The following PPP5C variants were observed in gnomAD, a reference collection of about 807,000 sequenced individuals.
PPP5C encodes the protein serine/threonine-protein phosphatase 5.
In PPP5C, 21 loss-of-function variants were observed where a neutral mutation model predicts 66.7. The observed-to-expected ratio is 0.31, with a 90% CI of 0.22 to 0.45. PPP5C has a LOEUF of 0.45. Ranked by LOEUF, PPP5C falls within the 20% of genes least tolerant of loss-of-function variation. The probability of loss-of-function intolerance (pLI) is 1.00; values close to 1 mark genes in which losing one functional copy is unlikely to be tolerated. For missense variants in PPP5C, 464 were observed against 675.9 expected (o/e 0.69, Z 3.48); for synonymous variants, 246 against 257.4 (o/e 0.96, Z 0.43).
At position 46,347,301 on chromosome 19, in the gene PPP5C, G is replaced by A. The variant is rs895341278; in HGVS notation, c.121+84G>A. The A allele has an allele frequency of 5.8e-5, 85 of 1,476,030 alleles. No individual in the cohort carries two copies. The African/African-American group carries it at 1.1e-3, about 20-fold the overall frequency. The allele number at this position is 1,476,030 out of a possible 1,614,324, so 91.4% of individuals were successfully genotyped here. The stretch of plus-strand genomic sequence containing the variant: ...CGCGGAACCATAGCAACGCGGAGCT[G>A]CAGCCTGGGCGCGGGGCAGACACTA... On this transcript the variant is annotated intron_variant, in intron 1 of 12. Coordinates refer to ENST00000012443, the MANE Select transcript of PPP5C (RefSeq NM_006247.4).
chr19:46,361,961 T>C (rs968129161), intron 2 of PPP5C, among the ~76,000 whole-genome samples: 3 of 152,220 alleles, frequency 2.0e-5, no homozygotes, highest in African/African-American at 7.2e-5. Flanking sequence ...TTCCATTCTT[T>C]TTTCTCCCTA....
In PPP5C at chr19:46,388,634, C is replaced by T; in HGVS notation, c.1258C>T (p.Leu420=). Reference sequence around the variant, plus strand: ...CAAGGCCTTCTTGGAAGAGAACAACCTGGACTATATCATCCGCAGCCACGA... The same window carrying T: ...CAAGGCCTTCTTGGAAGAGAACAACTTGGACTATATCATCCGCAGCCACGA... ...VTKAFLEENN[L]DYIIRSHEVK... Residue 420 remains leucine (L), a synonymous_variant, in exon 11 of 13, where the codon CTG becomes TTG. Coordinates refer to ENST00000012443, the MANE Select transcript of PPP5C (RefSeq NM_006247.4). This position sits in a 1 kb window ranked among gnomAD's most constrained non-coding sequence, Gnocchi z 4.9. 6.2e-7 allele frequency: 1 copy of T among 1,614,176 alleles called. No homozygotes were observed. The highest frequency in any genetic ancestry group is 1.3e-5 in the African/African-American group (1 of 75,044).
chr19:46,350,789 A>C (rs1001775167), intron 1 of PPP5C, among the ~76,000 whole-genome samples: 12 of 152,056 alleles, frequency 7.9e-5, no homozygotes, highest in Non-Finnish European at 1.6e-4. Flanking sequence ...GTGTGTGAGC[A>C]GCAGGGCCCG....
intron 2 of PPP5C, among the ~76,000 whole-genome samples, chr19:46,369,606 T>G (rs374124061): frequency 5.2e-5 from 7 of 133,454 alleles, no homozygotes; most frequent in African/African-American, 2.0e-4. Context: ...CACCCCAGCC[T>G]GGGTGACAGG....
intron 2 of PPP5C, among the ~76,000 whole-genome samples, chr19:46,363,986 C>A (rs1354821506): frequency 6.6e-6 from 1 of 151,968 alleles, no homozygotes; most frequent in African/African-American, 2.4e-5. Context: ...CATGTGATAC[C>A]AAAGGTGGCA....
intron 2 of PPP5C, among the ~76,000 whole-genome samples, chr19:46,360,348 A>G (rs927610982): frequency 1.3e-5 from 2 of 152,174 alleles, no homozygotes; most frequent in Non-Finnish European, 1.5e-5. Context: ...CTACGTGACA[A>G]TACTTCCCAT....
chr19:46,352,962 G>A (rs1478422493), intron 1 of PPP5C, among the ~76,000 whole-genome samples: 1 of 152,170 alleles, frequency 6.6e-6, no homozygotes. Context: ...CAGTGAAGGG[G>A]GACCTGTGTA....
In PPP5C at chr19:46,390,274, G is replaced by C; in HGVS notation, c.1438-10G>C. On this transcript the variant is annotated splice_polypyrimidine_tract_variant and intron_variant, in intron 12 of 12. Transcript: ENST00000012443. ...GACTTCTGTCCATCCCACCTGCCCTGGTCCCACAGCCTCATCCCAACGTCA... is the reference window on the plus strand; with the variant it reads ...GACTTCTGTCCATCCCACCTGCCCTCGTCCCACAGCCTCATCCCAACGTCA... The C allele has an allele frequency of 6.9e-6, 11 of 1,592,916 alleles. No individual in the cohort carries two copies. The highest frequency in any genetic ancestry group is 9.4e-6 in the Non-Finnish European group (11 of 1,169,620).
chr19:46,374,174 G>A (rs777401186), intron 2 of PPP5C, among the ~76,000 whole-genome samples: 40 of 152,182 alleles, frequency 2.6e-4, no homozygotes, highest in Admixed American at 2.6e-3. Flanking sequence ...GGAGGAGGCC[G>A]TGGCCTGCTG....
At chr19:46,385,553 G>A (rs1389689462) in intron 7 of PPP5C, among the ~76,000 whole-genome samples, 1 of 152,210 alleles carries the variant, frequency 6.6e-6, no homozygotes, top group Non-Finnish European at 1.5e-5. Flanking sequence ...GCCAAGGCAG[G>A]TGGATCATCT....
intron 9 of PPP5C, chr19:46,387,993 G>A: frequency 3.6e-6 from 1 of 274,852 alleles, no homozygotes; most frequent in South Asian, 5.4e-5. Context: ...AAGTTGGCGA[G>A]TGGGCAGGGC....
chr19:46,387,886 G>A (rs1972919381), intron 9 of PPP5C: 1 of 439,950 alleles, frequency 2.3e-6, no homozygotes. Context: ...CCAGGGAGGC[G>A]AGGTTTGAGC....
chr19:46,369,661 C>T (rs1462103620), intron 2 of PPP5C, among the ~76,000 whole-genome samples: 1 of 146,962 alleles, frequency 6.8e-6, no homozygotes, highest in Non-Finnish European at 1.5e-5. Flanking sequence ...GGCATGGTGG[C>T]TCACGCCTGT....
chr19:46,361,326 T>C (rs1972385094), intron 2 of PPP5C, among the ~76,000 whole-genome samples: 1 of 150,032 alleles, frequency 6.7e-6, no homozygotes, highest in Admixed American at 6.6e-5. Flanking sequence ...AGACGGGGTT[T>C]CACTGTGTTA....
intron 2 of PPP5C, among the ~76,000 whole-genome samples, chr19:46,354,951 G>A (rs566879795): frequency 6.6e-6 from 1 of 152,332 alleles, no homozygotes; most frequent in African/African-American, 2.4e-5. Context: ...TCTGCAGAGC[G>A]AGCACACACC....
chr19:46,352,408 C>CTGG (rs1453329610), intron 1 of PPP5C, among the ~76,000 whole-genome samples: 1 of 152,222 alleles, frequency 6.6e-6, no homozygotes, highest in Non-Finnish European at 1.5e-5. Flanking sequence ...GAGCTAGGGA[C>CTGG]TGGGCCCAGG....
Position 46,390,904 on chromosome 19 carries a change from T to G in PPP5C, c.*558T>G. On this transcript the variant is annotated 3_prime_UTR_variant, in exon 13 of 13. Coordinates refer to ENST00000012443, the MANE Select transcript of PPP5C (RefSeq NM_006247.4). ...GGAGCTGCCCGGGTTGGGTTACGCC[T>G]GCTCAGGAGATCCGGAGGGTGGGGA... is the stretch of plus-strand genomic sequence containing the variant. 1 of 1,170,210 alleles carries G rather than the reference T, an allele frequency of 8.5e-7. No homozygotes were observed. The allele number at this position is 1,170,210 out of a possible 1,614,324, so 72.5% of individuals were successfully genotyped here. A position where few individuals can be genotyped will look rare whatever the true frequency, so the allele number is the denominator to read the frequency against.
At chr19:46,363,278 A>G in intron 2 of PPP5C, among the ~76,000 whole-genome samples, 1 of 88,788 alleles carries the variant, frequency 1.1e-5, no homozygotes, top group Admixed American at 1.5e-4. Flanking sequence ...ACTGCACTCC[A>G]GCCTGGGCGA....
At chr19:46,367,927 G>C (rs1157097434) in intron 2 of PPP5C, among the ~76,000 whole-genome samples, 1 of 152,154 alleles carries the variant, frequency 6.6e-6, no homozygotes. Context: ...TTGGTCCCTG[G>C]ACCCCTCCTG....
Sources: gnomAD v4.1 joint callset for allele counts (sites outside exome capture counted in the v4.1 genomes callset) on GRCh38, gnomAD v4.1.1 for gene constraint, Gnocchi (gnomAD v3.1) non-coding constraint, MANE v1.5 for transcripts, NCBI Gene and HGNC (gene_info 2026-07-23, HGNC 2026-07-21) for gene names.